ARSJ: variants seen among roughly 807,000 people sequenced by gnomAD.
ARSJ encodes the protein arylsulfatase J.
ARSJ carries 26 observed loss-of-function variants against 35.9 expected under a neutral mutation model. That is an observed-to-expected ratio of 0.72 (90% CI 0.53 to 1.00). ARSJ has a LOEUF of 1.00. Among genes scored for constraint, ARSJ ranks in the 50% least tolerant of loss-of-function variants. The probability of loss-of-function intolerance (pLI) is 0.00; values close to 1 mark genes in which losing one functional copy is unlikely to be tolerated. For synonymous variants in ARSJ, 294 were observed against 267.6 expected (o/e 1.10, Z -0.96); for missense variants, 667 against 723.6 (o/e 0.92, Z 0.90).
At chr4:113,913,879 G>A (rs536595057) in intron 1 of ARSJ, among the ~76,000 whole-genome samples, 132 of 152,210 alleles carry the variant, frequency 8.7e-4, no homozygotes, top group African/African-American at 3.0e-3. Flanking sequence ...GACAGGAAAT[G>A]TTAAGGAAGA....
At position 113,978,469 on chromosome 4, in the gene ARSJ, G is replaced by T. The variant is rs980887714; in HGVS notation, c.366C>A (p.Cys122Ter). The change falls in exon 1 of 2, where the codon TGC (cysteine) becomes TGA (stop). Residue 122 changes from cysteine to a stop codon, truncating the protein, a stop_gained. Coordinates refer to ENST00000315366, the MANE Select transcript of ARSJ (RefSeq NM_024590.4). LOFTEE classifies it high-confidence loss of function. Reference sequence around the variant, plus strand: ...TAATAAACTGACTCCTGGATGGTGTGCAAATAGGCTGGACATAGTAGTTCT... The same window carrying T: ...TAATAAACTGACTCCTGGATGGTGTTCAAATAGGCTGGACATAGTAGTTCT... ...KLENYYVQPICTPSRSQFITG... is the reference protein window; with the variant it reads ...KLENYYVQPI The T allele has an allele frequency of 6.2e-7, 1 of 1,613,182 alleles. No individual in the cohort carries two copies. Among genetic ancestry groups the T allele is most frequent in the African/African-American group, 1.3e-5 (1 of 74,902 alleles).
intron 1 of ARSJ, among the ~76,000 whole-genome samples, chr4:113,974,013 G>A (rs1727440353): frequency 6.6e-6 from 1 of 152,172 alleles, no homozygotes; most frequent in Non-Finnish European, 1.5e-5. Context: ...TCTGATTTAT[G>A]AAAAGGTGAT....
Position 113,956,927 on chromosome 4 carries a change from T to C in ARSJ, c.398+21510A>G, listed in dbSNP as rs542286712. ...GCTTTTCAGGCAGGCAATAGCACCA[T>C]GGAATGTGCAGTTTAGAAAGACAAT... On this transcript the variant is annotated intron_variant, in intron 1 of 1. Coordinates refer to ENST00000315366, the MANE Select transcript of ARSJ (RefSeq NM_024590.4). Among the ~76,000 whole-genome samples, 99 of 152,132 alleles carry C rather than the reference T, an allele frequency of 6.5e-4. 1 individual carries two copies. In the South Asian group the frequency reaches 0.019, roughly 30 times the overall value.
At chr4:113,954,836 C>T (rs1726067425) in intron 1 of ARSJ, among the ~76,000 whole-genome samples, 1 of 152,022 alleles carries the variant, frequency 6.6e-6, no homozygotes, top group African/African-American at 2.4e-5. Flanking sequence ...TCTGGAAGCT[C>T]TTAGAGATGA....
chr4:113,976,871 T>G (rs961288687), intron 1 of ARSJ, among the ~76,000 whole-genome samples: 2 of 152,334 alleles, frequency 1.3e-5, no homozygotes, highest in Admixed American at 1.3e-4. Context: ...TTTCATTTTA[T>G]TAAGTAAACA....
intron 1 of ARSJ, among the ~76,000 whole-genome samples, chr4:113,921,039 C>G (rs929888811): frequency 6.6e-6 from 1 of 150,522 alleles, no homozygotes; most frequent in Admixed American, 6.6e-5. Context: ...TAGATTCATC[C>G]AACAAAGAGA....
Position 113,901,331 on chromosome 4 carries a change from T to G in ARSJ, c.*943A>C, listed in dbSNP as rs868431800. On this transcript the variant is annotated 3_prime_UTR_variant, in exon 2 of 2. Transcript: ENST00000315366. ...ATCTTATTACATTCAAAATCTTGGTTGAACAATGACGATTATAAAGTTTTC... is the reference window on the plus strand; with the variant it reads ...ATCTTATTACATTCAAAATCTTGGTGGAACAATGACGATTATAAAGTTTTC... The G allele has an allele frequency of 6.6e-6, 1 of 152,216 alleles. No homozygotes were observed. The highest frequency in any genetic ancestry group is 2.4e-5 in the African/African-American group (1 of 41,464). The allele number at this position is 152,216 out of a possible 1,614,324, so 9.4% of individuals were successfully genotyped here.
rs1218453588 is a variant in ARSJ, at chr4:113,969,579, A to G, written c.398+8858T>C. ...TATGTTATGTCAATTGATGAGTAGA[A>G]TAACTTTTAAGATTGGTAAGTCAAT... On this transcript the variant is annotated intron_variant, in intron 1 of 1. Coordinates refer to ENST00000315366, the MANE Select transcript of ARSJ (RefSeq NM_024590.4). Among the ~76,000 whole-genome samples, 9 of 152,320 alleles carry G rather than the reference A, an allele frequency of 5.9e-5. No homozygotes were observed. In the East Asian group the frequency reaches 1.7e-3, roughly 29 times the overall value.
At chr4:113,962,363 G>T (rs75822076) in intron 1 of ARSJ, among the ~76,000 whole-genome samples, 3 of 151,922 alleles carry the variant, frequency 2.0e-5, no homozygotes, top group South Asian at 2.1e-4. Flanking sequence ...TAAAACCTAA[G>T]GGAGTCAGAA....
At chr4:113,926,944 C>T (rs1015184312) in intron 1 of ARSJ, among the ~76,000 whole-genome samples, 3 of 152,112 alleles carry the variant, frequency 2.0e-5, no homozygotes, top group Non-Finnish European at 4.4e-5. Context: ...CAAACAGCAT[C>T]CCTATCTGCC....
chr4:113,915,212 A>G (rs1359286758), intron 1 of ARSJ, among the ~76,000 whole-genome samples: 1 of 152,140 alleles, frequency 6.6e-6, no homozygotes, highest in African/African-American at 2.4e-5. Context: ...TTGCCCTTTT[A>G]TTAGTGTCTT....
At chr4:113,949,824 C>T (rs17620935) in intron 1 of ARSJ, among the ~76,000 whole-genome samples, 7 of 151,986 alleles carry the variant, frequency 4.6e-5, no homozygotes, top group East Asian at 1.9e-4. Flanking sequence ...TGCACTTTTG[C>T]GATCTGTACT....
chr4:113,945,098 A>G (rs1280049544), intron 1 of ARSJ, among the ~76,000 whole-genome samples: 1 of 152,126 alleles, frequency 6.6e-6, no homozygotes, highest in African/African-American at 2.4e-5. Flanking sequence ...TTTGAAGTCC[A>G]AATAGAAACT....
intron 1 of ARSJ, among the ~76,000 whole-genome samples, chr4:113,972,312 A>AC (rs1478949078): frequency 1.3e-5 from 2 of 149,908 alleles, no homozygotes; most frequent in African/African-American, 4.9e-5. Context: ...AAAAACAAAA[A>AC]AAAAAACCCC....
rs368259884 is a variant in ARSJ, at chr4:113,978,812, C to G, written c.23G>C (p.Gly8Ala). The change falls in exon 1 of 2, where the codon GGG (glycine) becomes GCG (alanine). Residue 8 changes from glycine (G) to alanine (A), a missense_variant. Physicochemically the swap from Gly to Ala is moderately conservative, Grantham distance 60 (BLOSUM62 0). Coordinates refer to ENST00000315366, the MANE Select transcript of ARSJ (RefSeq NM_024590.4). ...CTGTGGAGAAGGCGGAGGCGGATGC[C>G]CCGCACAGCCCCTGGGAGCCATTCA... Reference protein sequence around the residue: MAPRGCAGHPPPPSPQAC... With the variant: MAPRGCAAHPPPPSPQAC... 7 of 1,609,196 alleles carry G rather than the reference C, an allele frequency of 4.3e-6. No individual in the cohort carries two copies. The highest frequency in any genetic ancestry group is 4.2e-6 in the Non-Finnish European group (5 of 1,177,712).
chr4:113,927,910 A>G (rs772936862), intron 1 of ARSJ, among the ~76,000 whole-genome samples: 1 of 152,108 alleles, frequency 6.6e-6, no homozygotes, highest in Admixed American at 6.6e-5. Flanking sequence ...AGGCAGCTCT[A>G]ATGGCTCCCA....
intron 1 of ARSJ, among the ~76,000 whole-genome samples, chr4:113,912,734 A>AGT (rs1723004359): frequency 2.3e-5 from 2 of 87,746 alleles, no homozygotes; most frequent in South Asian, 4.6e-4. Context: ...AATAAATGAG[A>AGT]ATGTGTGTGT....
chr4:113,907,545 T>C (rs2099669136), intron 1 of ARSJ, among the ~76,000 whole-genome samples: 1 of 152,028 alleles, frequency 6.6e-6, no homozygotes, highest in Non-Finnish European at 1.5e-5. Flanking sequence ...TTTACTGATA[T>C]GCTCTTCTCT....
intron 1 of ARSJ, among the ~76,000 whole-genome samples, chr4:113,911,494 C>T (rs531818940): frequency 6.6e-6 from 1 of 152,082 alleles, no homozygotes; most frequent in African/African-American, 2.4e-5. Flanking sequence ...GGATGATATC[C>T]AAGACTGAGA....
Sources: gnomAD v4.1 joint callset for allele counts (sites outside exome capture counted in the v4.1 genomes callset) on GRCh38, gnomAD v4.1.1 for gene constraint, MANE v1.5 for transcripts, NCBI Gene and HGNC (gene_info 2026-07-23, HGNC 2026-07-21) for gene names.